C1orf94: variants seen among roughly 807,000 people sequenced by gnomAD.
The protein encoded by C1orf94 is uncharacterized protein C1orf94.
A neutral mutation model predicts 53.6 loss-of-function variants in C1orf94; 45 were observed. The ratio of observed to expected loss-of-function variants is 0.84; its 90% CI spans 0.66 to 1.08. C1orf94 has a LOEUF of 1.08. Ranked by LOEUF, C1orf94 falls within the 50% of genes least tolerant of loss-of-function variation. C1orf94 has a pLI of 0.00. For missense variants in C1orf94, 762 were observed against 738.9 expected (o/e 1.03, Z -0.36); for synonymous variants, 304 against 296.1 (o/e 1.03, Z -0.27).
intron 2 of C1orf94, among the ~76,000 whole-genome samples, chr1:34,199,583 A>G (rs1199628547): frequency 1.3e-5 from 2 of 152,338 alleles, no homozygotes; most frequent in South Asian, 2.1e-4. Context: ...ACACTGAGGC[A>G]CAGGTCCTTT....
At chr1:34,206,703 G>C (rs1642800316) in intron 4 of C1orf94, among the ~76,000 whole-genome samples, 1 of 152,192 alleles carries the variant, frequency 6.6e-6, no homozygotes, top group South Asian at 2.1e-4. Context: ...CTGAGAACAG[G>C]TAAGGCAACA....
chr1:34,193,569 T>C (rs942113800), intron 1 of C1orf94, among the ~76,000 whole-genome samples: 2 of 151,564 alleles, frequency 1.3e-5, no homozygotes, highest in Admixed American at 1.3e-4. Flanking sequence ...AGGCTGGGGG[T>C]GGGGAGGAAT....
chr1:34,198,002 G>A lies in C1orf94; in HGVS notation c.1009+89G>A, dbSNP rs544201239. 8.4e-6 allele frequency: 11 copies of A among 1,311,222 alleles called. No homozygotes were observed. The Admixed American group carries it at 1.3e-4, about 15-fold the overall frequency. 81.2% of individuals were successfully genotyped at this position (1,311,222 alleles called of 1,614,324 possible). ...ATCAGGGCTGCAGCATGTACATAAAGCATCTTCATGCAAAGCAAGACAAAG... is the reference window on the plus strand; with the variant it reads ...ATCAGGGCTGCAGCATGTACATAAAACATCTTCATGCAAAGCAAGACAAAG... On this transcript the variant is annotated intron_variant, in intron 2 of 6. Coordinates refer to ENST00000488417, the MANE Select transcript of C1orf94 (RefSeq NM_001134734.2).
At chr1:34,207,262 GGTGTGTGTGTGTGTGTGTGT>G (rs58794132) in intron 4 of C1orf94, among the ~76,000 whole-genome samples, 3 of 147,344 alleles carry the variant, frequency 2.0e-5, no homozygotes, top group African/African-American at 5.0e-5. Flanking sequence ...AGTTCTGCGG[GGTGTGTGTGTGTGTGTGTGT>G]GTGTGTGTGT....
At chr1:34,200,623 T>C in intron 2 of C1orf94, 149 bp from the exon 3 acceptor site, 2 of 1,039,828 alleles carry the variant, frequency 1.9e-6, no homozygotes, top group Non-Finnish European at 2.8e-6. Flanking sequence ...GAGATTGGGA[T>C]TGTATTTGGC....
intron 6 of C1orf94, among the ~76,000 whole-genome samples, chr1:34,216,864 A>C (rs1248703850): frequency 6.6e-6 from 1 of 152,202 alleles, no homozygotes; most frequent in Non-Finnish European, 1.5e-5. Flanking sequence ...GGATCACCTG[A>C]GGTCAGGAGT....
chr1:34,198,055 G>A (rs1557484344), intron 2 of C1orf94, 142 bp downstream of exon 2: 10 of 941,158 alleles, frequency 1.1e-5, no homozygotes, highest in Non-Finnish European at 1.5e-5. Context: ...ACAGCCCCGA[G>A]GGACGGGCTG....
intron 4 of C1orf94, among the ~76,000 whole-genome samples, chr1:34,203,051 A>G (rs929951879): frequency 6.6e-6 from 1 of 152,238 alleles, no homozygotes. Context: ...TATATTAGGG[A>G]CTTGAGCATC....
At chr1:34,210,877 A>C (rs1557490006) in intron 5 of C1orf94, among the ~76,000 whole-genome samples, 1 of 151,394 alleles carries the variant, frequency 6.6e-6, no homozygotes, top group Non-Finnish European at 1.5e-5. Context: ...CTGGTCTCAA[A>C]CTCCTGACCT....
chr1:34,197,791 C>A lies in C1orf94; in HGVS notation c.887C>A (p.Pro296His). Reference sequence around the variant, plus strand: ...CCATTTCTGCTGCTGCCTCCCCGACCTCCTCCTGCACGTCCTGACAAGCTC... The same window carrying A: ...CCATTTCTGCTGCTGCCTCCCCGACATCCTCCTGCACGTCCTGACAAGCTC... The part of the protein sequence containing the change: ...LSPFLLLPPR[P>H]PPARPDKLPE... The change falls in exon 2 of 7, where the codon CCT becomes CAT. Residue 296 changes from proline (P) to histidine (H), a missense_variant. Physicochemically the swap from Pro to His is moderately conservative, Grantham distance 77. Transcript: ENST00000488417. The surrounding 1 kb of genome is among the most constrained non-coding windows in gnomAD (Gnocchi z 4.1). The A allele has an allele frequency of 6.2e-7, 1 of 1,614,224 alleles. No individual in the cohort carries two copies.
intron 1 of C1orf94, among the ~76,000 whole-genome samples, chr1:34,184,361 G>A (rs766349943): frequency 1.3e-5 from 2 of 152,100 alleles, no homozygotes; most frequent in Non-Finnish European, 2.9e-5. Flanking sequence ...AAGGTGGCTC[G>A]AGCTTGCTGG....
Position 34,200,913 on chromosome 1 carries a change from A to G in C1orf94, c.1151A>G (p.Lys384Arg), listed in dbSNP as rs1348447920. The G allele has an allele frequency of 3.1e-6, 5 of 1,614,204 alleles. No individual in the cohort carries two copies. The highest frequency in any genetic ancestry group is 3.3e-5 in the Admixed American group (2 of 60,026). ...ACCGCATCACTGACCCTGCCGCCCA[A>G]GAAACCTACATGTCCAGCCGAGAAG... Reference protein sequence around the residue: ...VGTASLTLPPKKPTCPAEKNL... With the variant: ...VGTASLTLPPRKPTCPAEKNL... The change falls in exon 3 of 7, where the codon AAG (lysine) becomes AGG (arginine). Residue 384 changes from lysine (K) to arginine (R), a missense_variant. Transcript: ENST00000488417.
At chr1:34,194,719 G>T (rs926257345) in intron 1 of C1orf94, among the ~76,000 whole-genome samples, 1 of 152,156 alleles carries the variant, frequency 6.6e-6, no homozygotes. Context: ...TCTGTAAATA[G>T]TATGTATCGC....
intron 4 of C1orf94, among the ~76,000 whole-genome samples, chr1:34,206,050 C>A (rs911967219): frequency 2.6e-5 from 4 of 152,200 alleles, no homozygotes; most frequent in Non-Finnish European, 5.9e-5. Context: ...GAGTGTGGCA[C>A]CATCTCCTGA....
At chr1:34,201,319 A>G (rs1642703789) in intron 3 of C1orf94, among the ~76,000 whole-genome samples, 1 of 152,220 alleles carries the variant, frequency 6.6e-6, no homozygotes, top group African/African-American at 2.4e-5. Flanking sequence ...CAAATTGCCC[A>G]AGCCAAAACA....
chr1:34,202,427 A>T (rs1050722266), intron 4 of C1orf94, among the ~76,000 whole-genome samples, 168 bp downstream of exon 4: 15 of 152,152 alleles, frequency 9.9e-5, no homozygotes, highest in Non-Finnish European at 1.9e-4. Context: ...TCAACTTGTC[A>T]GCTTGTTGGT....
At position 34,182,940 on chromosome 1, in the gene C1orf94, G is replaced by A. The variant is rs576372201; in HGVS notation, c.320+4831G>A. Among the ~76,000 whole-genome samples the A allele has an allele frequency of 9.8e-5, 15 of 152,350 alleles. No individual in the cohort carries two copies. The South Asian group carries it at 2.7e-3, about 27-fold the overall frequency. Reference sequence around the variant, plus strand: ...AGAGGTGTTGACCCCTCCAAGAGGAGAAAACACTAGCCAAGAGCATTAGAC... The same window carrying A: ...AGAGGTGTTGACCCCTCCAAGAGGAAAAAACACTAGCCAAGAGCATTAGAC... On this transcript the variant is annotated intron_variant, in intron 1 of 6. Coordinates refer to ENST00000488417, the MANE Select transcript of C1orf94 (RefSeq NM_001134734.2).
rs756203172 is a variant in C1orf94 at position 34,208,235 on chromosome 1, G to T, written c.1524+1G>T. 3.7e-6 allele frequency: 6 copies of T among 1,613,400 alleles called. No homozygotes were observed. The highest frequency in any genetic ancestry group is 5.1e-6 in the Non-Finnish European group (6 of 1,179,718). On this transcript the variant is annotated splice_donor_variant, in intron 5 of 6. Coordinates refer to ENST00000488417, the MANE Select transcript of C1orf94 (RefSeq NM_001134734.2). LOFTEE classifies it high-confidence loss of function. ...GCAGCTGGGATGTTACTCCCAACAGGTGAGTAGACGATCTCTCCTCCTCTG... is the reference window on the plus strand; with the variant it reads ...GCAGCTGGGATGTTACTCCCAACAGTTGAGTAGACGATCTCTCCTCCTCTG...
chr1:34,200,246 A>G (rs1262014120), intron 2 of C1orf94, among the ~76,000 whole-genome samples: 1 of 152,234 alleles, frequency 6.6e-6, no homozygotes, highest in African/African-American at 2.4e-5. Flanking sequence ...TCACTAAGCC[A>G]TGTGCTCACT....
Sources: gnomAD v4.1 joint callset for allele counts (sites outside exome capture counted in the v4.1 genomes callset) on GRCh38, gnomAD v4.1.1 for gene constraint, Gnocchi (gnomAD v3.1) non-coding constraint, MANE v1.5 for transcripts, NCBI Gene and HGNC (gene_info 2026-07-23, HGNC 2026-07-21) for gene names.